The following RIMS1 variants were observed in gnomAD, a reference collection of about 807,000 sequenced individuals.
The protein encoded by RIMS1 is regulating synaptic membrane exocytosis protein 1.
RIMS1 carries 83 observed loss-of-function variants against 214.1 expected under a neutral mutation model. The observed-to-expected ratio is 0.39, with a 90% CI of 0.32 to 0.47. The LOEUF (loss-of-function observed/expected upper bound fraction) is 0.47, where lower values mean the gene tolerates loss of function less well. Among genes scored for constraint, RIMS1 ranks in the 20% least tolerant of loss-of-function variants. The pLI, the probability that RIMS1 is intolerant of heterozygous loss-of-function variation, is 0.99. For missense variants in RIMS1, 2,050 were observed against 2,161.8 expected (o/e 0.95, Z 1.03); for synonymous variants, 793 against 786.8 (o/e 1.01, Z -0.13).
chr6:72,375,097 GCAGCCTGCTTCCCAACAGGCCA>G (rs1485957676), intron 29 of RIMS1, among the ~76,000 whole-genome samples: 2 of 152,222 alleles, frequency 1.3e-5, no homozygotes, highest in African/African-American at 4.8e-5. Flanking sequence ...CTCCTGCTGT[GCAGCCTGCTTCCCAACAGGCCA>G]CAGACTGGTA....
chr6:72,189,957 C>A (rs1477331429), intron 6 of RIMS1, among the ~76,000 whole-genome samples: 1 of 152,238 alleles, frequency 6.6e-6, no homozygotes, highest in Non-Finnish European at 1.5e-5. Context: ...CGTACCTCTT[C>A]CCCAGATTTC....
At chr6:72,027,472 A>AAT (rs1048229190) in intron 2 of RIMS1, among the ~76,000 whole-genome samples, 41 of 152,142 alleles carry the variant, frequency 2.7e-4, no homozygotes, top group African/African-American at 5.1e-4. Flanking sequence ...GAATGTAAAT[A>AAT]ATATATATAT....
Position 72,096,976 on chromosome 6 carries a change from T to C in RIMS1, c.273T>C (p.Tyr91=), listed in dbSNP as rs2031963555. Reference sequence around the variant, plus strand: ...GATTGCATCAACAGTTTGAAAGCTATAAGGAACAAGTGAGAAAAATAGGGG... The same window carrying C: ...GATTGCATCAACAGTTTGAAAGCTACAAGGAACAAGTGAGAAAAATAGGGG... ...SPRLHQQFES[Y]KEQVRKIGEE... The change falls in exon 3 of 34, where the codon TAT becomes TAC. Residue 91 remains tyrosine (Y), a synonymous_variant. Transcript: ENST00000521978. 1.2e-6 allele frequency: 2 copies of C among 1,613,768 alleles called. No individual in the cohort carries two copies. Among genetic ancestry groups the C allele is most frequent in the Non-Finnish European group, 1.7e-6 (2 of 1,179,782 alleles).
chr6:72,163,976 C>G (rs2045875222), intron 4 of RIMS1, among the ~76,000 whole-genome samples: 1 of 152,112 alleles, frequency 6.6e-6, no homozygotes, highest in Non-Finnish European at 1.5e-5. Flanking sequence ...TTGGCTATGC[C>G]CTGCCCCCAG....
At chr6:72,271,282 A>AT (rs751448635) in intron 22 of RIMS1, among the ~76,000 whole-genome samples, 283 of 67,944 alleles carry the variant, frequency 4.2e-3, no homozygotes, top group African/African-American at 0.01. Flanking sequence ...AAAAAAAAAA[A>AT]AAAAATATAT....
intron 1 of RIMS1, among the ~76,000 whole-genome samples, chr6:71,909,525 TA>T (rs1196027077): frequency 6.6e-6 from 1 of 152,166 alleles, no homozygotes; most frequent in Non-Finnish European, 1.5e-5. Flanking sequence ...GTCTCTAATC[TA>T]ACCCTCTAGG....
intron 2 of RIMS1, among the ~76,000 whole-genome samples, chr6:72,009,257 A>G (rs1010080699): frequency 1.3e-5 from 2 of 152,224 alleles, no homozygotes; most frequent in Non-Finnish European, 2.9e-5. Flanking sequence ...GCAGAAATAA[A>G]GATGTTCTTT....
At chr6:72,369,733 A>T (rs913787174) in intron 29 of RIMS1, among the ~76,000 whole-genome samples, 18 of 152,234 alleles carry the variant, frequency 1.2e-4, no homozygotes, top group African/African-American at 3.9e-4. Context: ...TGAAACCCCC[A>T]ATTAACTGGC....
intron 1 of RIMS1, among the ~76,000 whole-genome samples, chr6:71,950,158 CATT>C (rs1384235861): frequency 6.6e-6 from 1 of 151,980 alleles, no homozygotes; most frequent in East Asian, 1.9e-4. Flanking sequence ...GAAAGGGCAA[CATT>C]ATAGAGATGA....
intron 1 of RIMS1, 133 bp downstream of exon 1, chr6:71,887,320 C>T: frequency 8.4e-7 from 1 of 1,186,828 alleles, no homozygotes; most frequent in Non-Finnish European, 1.2e-6. Context: ...GAGGCGCCCG[C>T]CTTGGGCCAG....
rs369521811 is a variant in RIMS1, at chr6:72,157,425, T to A, written c.472-22150T>A. Among the ~76,000 whole-genome samples, 32 of 140,364 alleles carry A rather than the reference T, an allele frequency of 2.3e-4. 1 individual carries two copies. The highest frequency in any genetic ancestry group is 7.1e-4 in the African/African-American group (29 of 40,734). The allele number at this position is 140,364 out of a possible 152,430, so 92.1% of individuals were successfully genotyped here. On this transcript the variant is annotated intron_variant, in intron 4 of 33. Transcript: ENST00000521978. ...TGTATTTGTGATTTGCCTATTTTTTTATTTAAGTTTATATAGGTTGAGACT... is the reference window on the plus strand; with the variant it reads ...TGTATTTGTGATTTGCCTATTTTTTAATTTAAGTTTATATAGGTTGAGACT...
chr6:72,162,209 C>G (rs2045541473), intron 4 of RIMS1, among the ~76,000 whole-genome samples: 1 of 140,564 alleles, frequency 7.1e-6, no homozygotes, highest in Non-Finnish European at 1.6e-5. Context: ...AGGATTGCAA[C>G]CCCTGCCTTT....
chr6:72,196,699 A>C (rs545231270), intron 6 of RIMS1, among the ~76,000 whole-genome samples: 2 of 150,044 alleles, frequency 1.3e-5, no homozygotes, highest in African/African-American at 4.9e-5. Context: ...CCCATAAAAT[A>C]CTCATAAAAG....
intron 19 of RIMS1, chr6:72,261,238 A>C: frequency 7.0e-6 from 7 of 1,005,772 alleles, no homozygotes; most frequent in Non-Finnish European, 8.3e-6. Context: ...CTTTTGATAA[A>C]ATCTTTAACA....
intron 1 of RIMS1, among the ~76,000 whole-genome samples, chr6:71,918,085 G>A (rs1459314094): frequency 6.6e-6 from 1 of 152,096 alleles, no homozygotes; most frequent in Admixed American, 6.6e-5. Context: ...TTTGGGGCTG[G>A]GGATATAAAT....
intron 4 of RIMS1, among the ~76,000 whole-genome samples, chr6:72,154,595 A>G (rs1335971080): frequency 1.4e-5 from 2 of 140,906 alleles, no homozygotes; most frequent in African/African-American, 2.5e-5. Flanking sequence ...TTGCGCAAGT[A>G]TCAACTTTGA....
intron 6 of RIMS1, among the ~76,000 whole-genome samples, chr6:72,208,443 A>G (rs1292884166): frequency 1.3e-5 from 2 of 152,218 alleles, no homozygotes; most frequent in South Asian, 2.1e-4. Context: ...TACAAAGAAC[A>G]GGCAAATGCT....
intron 2 of RIMS1, among the ~76,000 whole-genome samples, chr6:72,016,775 G>A (rs954416450): frequency 1.3e-5 from 2 of 152,176 alleles, no homozygotes; most frequent in Admixed American, 6.5e-5. Flanking sequence ...TGAGGAGACA[G>A]TTGTACATTT....
At chr6:72,381,298 A>G (rs2098483395) in intron 29 of RIMS1, among the ~76,000 whole-genome samples, 1 of 151,712 alleles carries the variant, frequency 6.6e-6, no homozygotes, top group African/African-American at 2.4e-5. Flanking sequence ...TCTCGTTCTA[A>G]CTTAATCACT....
Sources: gnomAD v4.1 joint callset for allele counts (sites outside exome capture counted in the v4.1 genomes callset) on GRCh38, gnomAD v4.1.1 for gene constraint, MANE v1.5 for transcripts, NCBI Gene and HGNC (gene_info 2026-07-23, HGNC 2026-07-21) for gene names.